The following PLA2G5 variants were observed in gnomAD, a reference collection of about 807,000 sequenced individuals.
PLA2G5 encodes phospholipase A2 group V.
PLA2G5 carries 12 observed loss-of-function variants against 15.9 expected under a neutral mutation model. The ratio of observed to expected loss-of-function variants is 0.76; its 90% CI spans 0.48 to 1.23. The LOEUF is 1.23. PLA2G5 is among the 50% of genes most tolerant of loss of function. PLA2G5 has a pLI of 0.00. For missense variants in PLA2G5, 169 were observed against 177.1 expected (o/e 0.95, Z 0.26); for synonymous variants, 71 against 71.4 (o/e 0.99, Z 0.03).
At chr1:20,050,001 A>C (rs1427200386) in intron 1 of PLA2G5, among the ~76,000 whole-genome samples, 1 of 152,182 alleles carries the variant, frequency 6.6e-6, no homozygotes, top group African/African-American at 2.4e-5. Context: ...CTTCCAACAT[A>C]ATATCCTGTG....
At chr1:20,074,458 A>C (rs1209686533) in intron 1 of PLA2G5, among the ~76,000 whole-genome samples, 2 of 152,170 alleles carry the variant, frequency 1.3e-5, no homozygotes, top group African/African-American at 4.8e-5. Context: ...TTTTAAAAAC[A>C]TTTTTTACAG....
chr1:20,089,955 C>T, intron 4 of PLA2G5, 60 bp downstream of exon 4: 1 of 1,194,386 alleles, frequency 8.4e-7, no homozygotes, highest in Non-Finnish European at 1.2e-6. Context: ...AGTTCAGCTG[C>T]CCTAGAGAAC....
chr1:20,074,522 T>C (rs1478166281), intron 1 of PLA2G5, among the ~76,000 whole-genome samples: 1 of 152,196 alleles, frequency 6.6e-6, no homozygotes, highest in African/African-American at 2.4e-5. Context: ...CTTTGACAGA[T>C]CTTGTCTGCA....
At chr1:20,050,681 T>C (rs1165209025) in intron 1 of PLA2G5, among the ~76,000 whole-genome samples, 1 of 152,190 alleles carries the variant, frequency 6.6e-6, no homozygotes, top group African/African-American at 2.4e-5. Flanking sequence ...GAAAATGAAG[T>C]CTCCTTTCTC....
intron 1 of PLA2G5, among the ~76,000 whole-genome samples, chr1:20,079,965 C>T (rs2015914925): frequency 6.6e-6 from 1 of 152,124 alleles, no homozygotes; most frequent in Admixed American, 6.5e-5. Flanking sequence ...CGAGTCACCC[C>T]AGCTCAGGAA....
At chr1:20,061,850 G>T (rs1040105844) in intron 2 of PLA2G5, among the ~76,000 whole-genome samples, 1 of 152,198 alleles carries the variant, frequency 6.6e-6, no homozygotes, top group African/African-American at 2.4e-5. Flanking sequence ...AAGCCTGGGG[G>T]TCTCTAAGGA....
At position 20,084,953 on chromosome 1, in the gene PLA2G5, G is replaced by GTCGT. The variant is rs2016210052; in HGVS notation, c.40+84_40+87dup. On this transcript the variant is annotated intron_variant, in intron 2 of 4. Coordinates refer to ENST00000375108, the MANE Select transcript of PLA2G5 (RefSeq NM_000929.3). ...GGTGAAAAGGACACCAGCCATTGAGGTCGTAGAGACTTGGGTTTGAATCTC... is the reference window on the plus strand; with the variant it reads ...GGTGAAAAGGACACCAGCCATTGAGGTCGTTCGTAGAGACTTGGGTTTGAATCTC... The GTCGT allele has an allele frequency of 7.3e-6, 7 of 955,310 alleles. No individual in the cohort carries two copies. In the South Asian group the frequency reaches 9.0e-5, roughly 12 times the overall value. 59.2% of individuals were successfully genotyped at this position (955,310 alleles called of 1,614,324 possible). A position where few individuals can be genotyped will look rare whatever the true frequency, so the allele number is the denominator to read the frequency against.
chr1:20,052,886 C>G (rs55783628), intron 1 of PLA2G5, among the ~76,000 whole-genome samples: 24,802 of 152,032 alleles, frequency 0.16, 2,220 homozygotes, highest in East Asian at 0.28. Flanking sequence ...GAGGCTAATG[C>G]GAAACTCAAA....
intron 1 of PLA2G5, among the ~76,000 whole-genome samples, chr1:20,054,153 T>G (rs1009626888): frequency 6.6e-6 from 1 of 152,186 alleles, no homozygotes; most frequent in Non-Finnish European, 1.5e-5. Flanking sequence ...GACAGTTACC[T>G]TCTTCAAGGC....
chr1:20,058,350 A>T (rs1394816603), intron 1 of PLA2G5, among the ~76,000 whole-genome samples: 1 of 152,176 alleles, frequency 6.6e-6, no homozygotes, highest in African/African-American at 2.4e-5. Context: ...TCTTCTTGAA[A>T]AATCGACCTC....
chr1:20,057,662 C>A (rs2014503999), intron 1 of PLA2G5, among the ~76,000 whole-genome samples: 1 of 152,152 alleles, frequency 6.6e-6, no homozygotes, highest in Non-Finnish European at 1.5e-5. Context: ...CCACACCCAG[C>A]TAATTTTTGT....
At chr1:20,031,854 T>C (rs2012967203) in intron 1 of PLA2G5, among the ~76,000 whole-genome samples, 1 of 152,158 alleles carries the variant, frequency 6.6e-6, no homozygotes, top group South Asian at 2.1e-4. Flanking sequence ...GTCCACTTGT[T>C]GTAGGGACAG....
At chr1:20,076,024 A>G (rs796790579) in intron 1 of PLA2G5, among the ~76,000 whole-genome samples, 3 of 152,132 alleles carry the variant, frequency 2.0e-5, no homozygotes, top group African/African-American at 7.2e-5. Context: ...GGCACTCGCC[A>G]CCACACCCAG....
In PLA2G5 at chr1:20,084,853, C is replaced by T; in HGVS notation, c.23C>T (p.Ala8Val). The T allele has an allele frequency of 1.2e-6, 2 of 1,610,718 alleles. No individual in the cohort carries two copies. The highest frequency in any genetic ancestry group is 1.7e-6 in the Non-Finnish European group (2 of 1,176,900). Residue 8 changes from alanine (A) to valine (V), a missense_variant, in exon 2 of 5, where the codon GCT becomes GTT. Ala to Val is a moderately conservative substitution (Grantham distance 64). Transcript: ENST00000375108. ...GAGATGAAAGGCCTCCTCCCACTGG[C>T]TTGGTTCCTGGCTTGTAGTAAGTGC... MKGLLPL[A>V]WFLACSVPAV...
At chr1:20,057,254 T>C (rs188103296) in intron 1 of PLA2G5, among the ~76,000 whole-genome samples, 3 of 152,174 alleles carry the variant, frequency 2.0e-5, no homozygotes, top group Non-Finnish European at 4.4e-5. Context: ...TCTACTTACT[T>C]TGGACTTAAT....
chr1:20,080,504 C>A (rs1446235387), intron 1 of PLA2G5, among the ~76,000 whole-genome samples: 1 of 152,138 alleles, frequency 6.6e-6, no homozygotes, highest in Non-Finnish European at 1.5e-5. Flanking sequence ...ATTGTTTGAA[C>A]CAGGGAGGCA....
Position 20,032,370 on chromosome 1 carries a change from G to A in PLA2G5, n.276+3661G>A, listed in dbSNP as rs979549415. 5.5e-4 allele frequency among the ~76,000 whole-genome samples: 83 copies of A among 150,800 alleles called. 1 individual carries two copies. Among genetic ancestry groups the A allele is most frequent in the Middle Eastern group, 6.9e-3 (2 of 290 alleles). ...TGTGTGTGGTTTTTTTTTTTTTGAT[G>A]GTGGTAGGAAAAGTTTCTGTCCATC... On this transcript the variant is annotated intron_variant and non_coding_transcript_variant, in intron 1 of 6. Transcript: ENST00000460175.
chr1:20,053,643 A>G (rs995713806), intron 1 of PLA2G5, among the ~76,000 whole-genome samples: 4 of 151,978 alleles, frequency 2.6e-5, no homozygotes, highest in Non-Finnish European at 5.9e-5. Flanking sequence ...AATACTCAGA[A>G]GAGTGTTGTT....
At chr1:20,071,791 C>A (rs1160219462) in intron 1 of PLA2G5, among the ~76,000 whole-genome samples, 2 of 152,154 alleles carry the variant, frequency 1.3e-5, no homozygotes, top group Non-Finnish European at 2.9e-5. Context: ...CCCAGCAAGA[C>A]CTTTCTTGGC....
Sources: allele counts gnomAD v4.1 joint callset (sites outside exome capture counted in the v4.1 genomes callset), GRCh38; gene constraint gnomAD v4.1.1; transcripts MANE v1.5; gene names NCBI Gene and HGNC (gene_info 2026-07-23, HGNC 2026-07-21).